Variants in INTS2 observed in about 807,000 individuals in gnomAD.
INTS2 encodes integrator complex subunit 2.
INTS2 carries 57 observed loss-of-function variants against 139.6 expected under a neutral mutation model. That is an observed-to-expected ratio of 0.41 (90% CI 0.33 to 0.51). The LOEUF is 0.51. Among genes scored for constraint, INTS2 ranks in the 20% least tolerant of loss-of-function variants. The pLI is 0.28. For synonymous variants in INTS2, 473 were observed against 493.4 expected (o/e 0.96, Z 0.55); for missense variants, 1,196 against 1,436.7 (o/e 0.83, Z 2.71).
chr17:61,904,854 A>C (rs2079444415), intron 8 of INTS2, among the ~76,000 whole-genome samples: 1 of 152,196 alleles, frequency 6.6e-6, no homozygotes. Context: ...CATGCAACAC[A>C]ATCTTAATAA....
chr17:61,883,659 G>C (rs1416239891), intron 16 of INTS2, among the ~76,000 whole-genome samples: 1 of 151,744 alleles, frequency 6.6e-6, no homozygotes, highest in Non-Finnish European at 1.5e-5. Context: ...GGCTGAGGCA[G>C]GAGAATCACT....
At chr17:61,906,371 T>A (rs2079463152) in intron 8 of INTS2, among the ~76,000 whole-genome samples, 6 of 152,190 alleles carry the variant, frequency 3.9e-5, no homozygotes, top group Admixed American at 3.3e-4. Context: ...CTACCTCCTC[T>A]GCTATATGTA....
chr17:61,902,386 T>A (rs1211720133), intron 9 of INTS2, among the ~76,000 whole-genome samples: 3 of 152,168 alleles, frequency 2.0e-5, no homozygotes, highest in African/African-American at 7.2e-5. Context: ...ATTGTCGTAT[T>A]TTCTTATCCT....
chr17:61,924,396 G>GA (rs1469749089), intron 3 of INTS2, among the ~76,000 whole-genome samples: 2 of 152,078 alleles, frequency 1.3e-5, no homozygotes, highest in African/African-American at 4.8e-5. Flanking sequence ...ATTCCATACG[G>GA]AAAAAAATCC....
chr17:61,870,070 G>T lies in INTS2; in HGVS notation c.2779-82C>A, dbSNP rs1025385675. ...ATCAGATTTTATTTTCACATGAACA[G>T]ATATGATAAAATAACTAATTTCTTA... On this transcript the variant is annotated intron_variant, in intron 20 of 24. Coordinates refer to ENST00000251334, the MANE Select transcript of INTS2 (RefSeq NM_001351695.2). The surrounding 1 kb of genome is among the most constrained non-coding windows in gnomAD (Gnocchi z 4.4). 2.8e-5 allele frequency: 36 copies of T among 1,287,332 alleles called. No individual in the cohort carries two copies. The highest frequency in any genetic ancestry group is 3.8e-5 in the Non-Finnish European group (36 of 949,134). 79.7% of individuals were successfully genotyped at this position (1,287,332 alleles called of 1,614,324 possible).
intron 13 of INTS2, among the ~76,000 whole-genome samples, chr17:61,892,953 CAAAAAAAAAAA>C (rs58426330): frequency 2.3e-5 from 1 of 44,150 alleles, no homozygotes; most frequent in Non-Finnish European, 3.8e-5. Flanking sequence ...GACTCCATCT[CAAAAAAAAAAA>C]AAAAAAAAAA....
intron 11 of INTS2, among the ~76,000 whole-genome samples, chr17:61,896,239 C>CA (rs1197473910): frequency 0.028 from 1,222 of 44,252 alleles, 48 homozygotes; most frequent in South Asian, 0.035. Context: ...GACTCCATCT[C>CA]AAAAAAAAAA....
At chr17:61,911,472 C>G in intron 7 of INTS2, 48 bp downstream of exon 7, 1 of 1,493,866 alleles carries the variant, frequency 6.7e-7, no homozygotes, top group Non-Finnish European at 9.1e-7. Context: ...CTTTTAGCAG[C>G]TGCTAAAGTA....
At chr17:61,913,785 T>C (rs2143121384) in intron 5 of INTS2, among the ~76,000 whole-genome samples, 1 of 152,130 alleles carries the variant, frequency 6.6e-6, no homozygotes, top group South Asian at 2.1e-4. Context: ...CAGATGGAAA[T>C]ATGGAACTAC....
At chr17:61,921,519 G>A (rs1018651629) in intron 4 of INTS2, among the ~76,000 whole-genome samples, 16 of 152,110 alleles carry the variant, frequency 1.1e-4, no homozygotes, top group Admixed American at 1.3e-4. Context: ...AAGATACCAT[G>A]TTAATGTCTG....
In INTS2 at chr17:61,880,978, G is replaced by T; in HGVS notation, c.2254+29C>A. 1.9e-6 allele frequency: 3 copies of T among 1,570,908 alleles called. No homozygotes were observed. The Middle Eastern group carries it at 5.2e-4, about 271-fold the overall frequency. On this transcript the variant is annotated intron_variant, in intron 17 of 24. Transcript: ENST00000251334. ...AGCATCTCCTTGTACTACAAAAGGGGTTAAAGGAGTATCAATAATTTACTA... is the reference window on the plus strand; with the variant it reads ...AGCATCTCCTTGTACTACAAAAGGGTTTAAAGGAGTATCAATAATTTACTA...
At chr17:61,880,773 A>G (rs1216883316) in intron 17 of INTS2, among the ~76,000 whole-genome samples, 1 of 139,492 alleles carries the variant, frequency 7.2e-6, no homozygotes, top group South Asian at 2.6e-4. Context: ...AAGGAAAGGG[A>G]AAAGGGGGAA....
At chr17:61,878,328 C>CA (rs2079144341) in intron 17 of INTS2, among the ~76,000 whole-genome samples, 1 of 149,852 alleles carries the variant, frequency 6.7e-6, no homozygotes, top group Non-Finnish European at 1.5e-5. Context: ...TTTGGGAGGC[C>CA]AAGGCGGGTG....
chr17:61,870,881 T>C lies in INTS2; in HGVS notation c.2779-893A>G, dbSNP rs1313439349. Among the ~76,000 whole-genome samples, 2 of 152,168 alleles carry C rather than the reference T, an allele frequency of 1.3e-5. No individual in the cohort carries two copies. Among genetic ancestry groups the C allele is most frequent in the Non-Finnish European group, 2.9e-5 (2 of 68,030 alleles). ...AATCCTGGTTCTGACATTTACTAAA[T>C]GTGTAACCATGAGCAAGTCACTTAA... On this transcript the variant is annotated intron_variant, in intron 20 of 24. Coordinates refer to ENST00000251334, the MANE Select transcript of INTS2 (RefSeq NM_001351695.2). This position sits in a 1 kb window ranked among gnomAD's most constrained non-coding sequence, Gnocchi z 4.4.
intron 6 of INTS2, 35 bp from the exon 7 acceptor site, chr17:61,911,728 T>A: frequency 6.3e-7 from 1 of 1,588,318 alleles, no homozygotes; most frequent in Non-Finnish European, 8.6e-7. Context: ...GAATTCAGTA[T>A]CATAAGCAAA....
intron 15 of INTS2, among the ~76,000 whole-genome samples, chr17:61,886,251 A>G (rs72843746): frequency 0.065 from 9,958 of 152,052 alleles, 580 homozygotes; most frequent in South Asian, 0.3. Context: ...GGGTTTCGCC[A>G]TATTGGCCAG....
chr17:61,899,776 G>A (rs2079385973), intron 9 of INTS2, among the ~76,000 whole-genome samples: 1 of 151,806 alleles, frequency 6.6e-6, no homozygotes, highest in African/African-American at 2.4e-5. Flanking sequence ...GACAGGCATG[G>A]TGGCGCATGT....
chr17:61,923,492 A>C (rs902054119), intron 3 of INTS2, among the ~76,000 whole-genome samples: 53 of 151,354 alleles, frequency 3.5e-4, no homozygotes, highest in African/African-American at 1.3e-3. Context: ...AAAAAAAAAA[A>C]AAAAAAAAAA....
chr17:61,867,770 A>C lies in INTS2; in HGVS notation c.3422-44T>G. ...AAAACATTAAGGCCAAGAAATTTGG[A>C]AAGGAATTTGGCCTTTTTGTTTGAG... On this transcript the variant is annotated intron_variant, in intron 24 of 24. Transcript: ENST00000251334. The surrounding 1 kb of genome is among the most constrained non-coding windows in gnomAD (Gnocchi z 5.6). 1 of 1,561,108 alleles carries C rather than the reference A, an allele frequency of 6.4e-7. No individual in the cohort carries two copies.
Sources: allele counts gnomAD v4.1 joint callset (sites outside exome capture counted in the v4.1 genomes callset), GRCh38; gene constraint gnomAD v4.1.1; non-coding constraint Gnocchi (gnomAD v3.1); transcripts MANE v1.5; gene names NCBI Gene and HGNC (gene_info 2026-07-23, HGNC 2026-07-21).